WWOX: variants seen among roughly 807,000 people sequenced by gnomAD.
The protein encoded by WWOX is WW domain containing oxidoreductase.
WWOX carries 69 observed loss-of-function variants against 46.2 expected under a neutral mutation model. The ratio of observed to expected loss-of-function variants is 1.49; its 90% CI spans 1.23 to 1.82. WWOX has a LOEUF of 1.82. WWOX is among the 40% of genes most tolerant of loss of function. WWOX has a pLI of 0.00. For missense variants in WWOX, 919 were observed against 542.6 expected, an observed-to-expected ratio of 1.69 and a Z score of -6.89; for synonymous variants, 359 against 202.6, an observed-to-expected ratio of 1.77 and a Z score of -6.56.
chr16:79,190,056 G>T (rs1033270925), intron 8 of WWOX, among the ~76,000 whole-genome samples: 1 of 151,946 alleles, frequency 6.6e-6, no homozygotes, highest in Non-Finnish European at 1.5e-5. Context: ...TTTTGAGACA[G>T]AGTCTCACTG....
chr16:78,159,282 T>C (rs192703807), intron 4 of WWOX, among the ~76,000 whole-genome samples: 2 of 152,276 alleles, frequency 1.3e-5, no homozygotes, highest in Admixed American at 1.3e-4. Flanking sequence ...GGCAGACATA[T>C]TGTTGTGATC....
At chr16:78,927,725 G>C (rs532592518) in intron 8 of WWOX, among the ~76,000 whole-genome samples, 6 of 152,284 alleles carry the variant, frequency 3.9e-5, no homozygotes, top group Admixed American at 3.9e-4. Flanking sequence ...GCCTGGGCTT[G>C]TATCTTTTGT....
At chr16:79,047,305 G>A (rs2656665) in intron 8 of WWOX, among the ~76,000 whole-genome samples, 56,800 of 152,060 alleles carry the variant, frequency 0.37, 12,789 homozygotes, top group African/African-American at 0.64. Context: ...AGTCTGAAGT[G>A]TTTTCTTAGA....
intron 4 of WWOX, among the ~76,000 whole-genome samples, chr16:78,152,604 C>G (rs141144288): frequency 5.1e-4 from 77 of 152,310 alleles, no homozygotes; most frequent in African/African-American, 1.8e-3. Context: ...TCTGCATGTG[C>G]CTGTCTAGGA....
At chr16:78,503,537 T>A (rs2085120368) in intron 8 of WWOX, 1 of 152,238 alleles carries the variant, frequency 6.6e-6, no homozygotes, top group South Asian at 2.1e-4. Context: ...TTCTTTATTT[T>A]CTCTCTAAAA....
chr16:79,069,153 C>T (rs879292699), intron 8 of WWOX, among the ~76,000 whole-genome samples: 5 of 152,100 alleles, frequency 3.3e-5, no homozygotes, highest in Non-Finnish European at 5.9e-5. Context: ...CCCTGCGCTG[C>T]GCTTGGCGAA....
chr16:78,497,080 C>G (rs751093295), intron 8 of WWOX, among the ~76,000 whole-genome samples: 1 of 152,198 alleles, frequency 6.6e-6, no homozygotes, highest in African/African-American at 2.4e-5. Flanking sequence ...AGGCCCAAGC[C>G]GTCTATTGTA....
At chr16:78,492,797 A>G (rs976214253) in intron 8 of WWOX, among the ~76,000 whole-genome samples, 51 of 152,174 alleles carry the variant, frequency 3.4e-4, no homozygotes, top group African/African-American at 1.2e-3. Flanking sequence ...CACCATTTGT[A>G]GCCTTTTGAC....
chr16:79,052,780 G>A (rs1402088242), intron 8 of WWOX, among the ~76,000 whole-genome samples: 2 of 152,196 alleles, frequency 1.3e-5, no homozygotes, highest in Non-Finnish European at 2.9e-5. Flanking sequence ...TGGCCTTGCT[G>A]AGGAAATTAA....
intron 5 of WWOX, among the ~76,000 whole-genome samples, chr16:78,372,686 T>G (rs910622831): frequency 9.2e-5 from 14 of 152,198 alleles, no homozygotes; most frequent in African/African-American, 3.4e-4. Flanking sequence ...TTTTTTTGTT[T>G]TTAGCAGTTA....
chr16:78,355,083 G>GA (rs962841805), intron 5 of WWOX, among the ~76,000 whole-genome samples: 4 of 152,078 alleles, frequency 2.6e-5, no homozygotes, highest in Non-Finnish European at 5.9e-5. Flanking sequence ...AGTGAGCTGA[G>GA]ATGGAGCCAC....
chr16:78,783,319 C>G (rs779975655), intron 8 of WWOX, among the ~76,000 whole-genome samples: 11 of 152,198 alleles, frequency 7.2e-5, no homozygotes, highest in Non-Finnish European at 1.5e-4. Flanking sequence ...TGAAACATGC[C>G]ATGGCCAGTG....
intron 8 of WWOX, among the ~76,000 whole-genome samples, chr16:78,478,732 G>C (rs2084415133): frequency 6.6e-6 from 1 of 152,196 alleles, no homozygotes; most frequent in Non-Finnish European, 1.5e-5. Flanking sequence ...TGGTCCTTAT[G>C]AATATGCATA....
chr16:79,140,526 C>T (rs1597411280), intron 8 of WWOX, among the ~76,000 whole-genome samples: 2 of 152,168 alleles, frequency 1.3e-5, no homozygotes, highest in East Asian at 3.9e-4. Flanking sequence ...CAGCAGAAAA[C>T]AATGCAGCCT....
intron 8 of WWOX, among the ~76,000 whole-genome samples, chr16:79,125,090 C>T (rs551503636): frequency 2.0e-5 from 3 of 150,574 alleles, no homozygotes; most frequent in South Asian, 2.1e-4. Context: ...AAACTATATG[C>T]AGATCCTGCT....
intron 8 of WWOX, among the ~76,000 whole-genome samples, chr16:79,161,706 A>G (rs1166032497): frequency 6.6e-6 from 1 of 152,054 alleles, no homozygotes; most frequent in African/African-American, 2.4e-5. Flanking sequence ...TTTAGTAGAG[A>G]TGGGGTTTCA....
intron 8 of WWOX, among the ~76,000 whole-genome samples, chr16:78,578,081 C>G (rs1438420260): frequency 6.6e-6 from 1 of 151,420 alleles, no homozygotes; most frequent in Non-Finnish European, 1.5e-5. Context: ...TAGCCACCTG[C>G]TTCCGAAAGT....
intron 8 of WWOX, among the ~76,000 whole-genome samples, chr16:79,083,019 G>T (rs946384289): frequency 6.6e-6 from 1 of 152,186 alleles, no homozygotes; most frequent in Non-Finnish European, 1.5e-5. Flanking sequence ...TCCTACCAAA[G>T]ACACAGCAGA....
chr16:78,156,323 G>T (rs911563768), intron 4 of WWOX, among the ~76,000 whole-genome samples: 7 of 152,124 alleles, frequency 4.6e-5, no homozygotes, highest in South Asian at 2.1e-4. Context: ...AATAAAATTT[G>T]ATAGAAAAAC....
Sources: gnomAD v4.1 joint callset for allele counts (sites outside exome capture counted in the v4.1 genomes callset) on GRCh38, gnomAD v4.1.1 for gene constraint, MANE v1.5 for transcripts, NCBI Gene and HGNC (gene_info 2026-07-23, HGNC 2026-07-21) for gene names.